Variants in SH3GL2 observed in about 807,000 individuals in gnomAD.
SH3GL2 encodes SH3 domain containing GRB2 like 2, endophilin A1, also known as endophilin-A1.
SH3GL2 carries 24 observed loss-of-function variants against 46.0 expected under a neutral mutation model. That is an observed-to-expected ratio of 0.52 (90% CI 0.38 to 0.73). The LOEUF is 0.73. Among genes scored for constraint, SH3GL2 ranks in the 30% least tolerant of loss-of-function variants. The pLI is 0.00. For synonymous variants in SH3GL2, 196 were observed against 147.1 expected, an observed-to-expected ratio of 1.33 and a Z score of -2.40; for missense variants, 413 against 424.2, an observed-to-expected ratio of 0.97 and a Z score of 0.23.
At position 17,697,424 on chromosome 9, in the gene SH3GL2, A is replaced by G. The variant is rs77400803; in HGVS notation, c.46-49642A>G. On this transcript the variant is annotated intron_variant, in intron 1 of 8. Coordinates refer to ENST00000380607, the MANE Select transcript of SH3GL2 (RefSeq NM_003026.5). ...TTTTTAGTAGAGACAGGGTTTCACC[A>G]TGCTGGTCAGGCTGATCTCCAACTC... Among the ~76,000 whole-genome samples, 627 of 151,968 alleles carry G rather than the reference A, an allele frequency of 4.1e-3. 12 individuals are homozygous for G. In the East Asian group the frequency reaches 0.06, roughly 14 times the overall value.
Position 17,626,737 on chromosome 9 carries a change from TGG to T in SH3GL2, c.45+47451_45+47452del, listed in dbSNP as rs1405538798. ...TCCCATAGCTTTCTGCAGATTCTTG[TGG>T]ACATTTGACAGTCCCTCTCCAAAGT... On this transcript the variant is annotated intron_variant, in intron 1 of 8. Transcript: ENST00000380607. 2.4e-3 allele frequency among the ~76,000 whole-genome samples: 359 copies of T among 152,334 alleles called. 3 individuals are homozygous for T. In the East Asian group the frequency reaches 0.031, roughly 13 times the overall value.
At chr9:17,696,376 T>C (rs1402229261) in intron 1 of SH3GL2, among the ~76,000 whole-genome samples, 1 of 152,184 alleles carries the variant, frequency 6.6e-6, no homozygotes, top group Non-Finnish European at 1.5e-5. Context: ...CCTGGATGTA[T>C]TACAGCAGAC....
chr9:17,773,665 A>G (rs1823559397), intron 3 of SH3GL2, among the ~76,000 whole-genome samples: 2 of 152,202 alleles, frequency 1.3e-5, no homozygotes, highest in East Asian at 1.9e-4. Context: ...CTTGGCCTAC[A>G]TGTCTGTCTT....
At chr9:17,684,057 A>T (rs1563811133) in intron 1 of SH3GL2, among the ~76,000 whole-genome samples, 1 of 152,140 alleles carries the variant, frequency 6.6e-6, no homozygotes, top group African/African-American at 2.4e-5. Flanking sequence ...GAGATGCACA[A>T]AAAGTGAGGT....
intron 1 of SH3GL2, among the ~76,000 whole-genome samples, chr9:17,708,992 C>G (rs951140436): frequency 6.6e-6 from 1 of 152,000 alleles, no homozygotes; most frequent in Non-Finnish European, 1.5e-5. Context: ...ATTTTTCTCC[C>G]TGTTCAGCAA....
At chr9:17,782,680 C>G (rs1823844245) in intron 3 of SH3GL2, among the ~76,000 whole-genome samples, 2 of 152,110 alleles carry the variant, frequency 1.3e-5, no homozygotes, top group Admixed American at 1.3e-4. Context: ...CATTCCAAAG[C>G]ACAGTGGGCG....
chr9:17,618,371 G>T (rs2134595647), intron 1 of SH3GL2, among the ~76,000 whole-genome samples: 1 of 152,284 alleles, frequency 6.6e-6, no homozygotes, highest in South Asian at 2.1e-4. Flanking sequence ...TTAGGAAATT[G>T]TTACTTTCTT....
chr9:17,736,995 A>T (rs1048529303), intron 1 of SH3GL2, among the ~76,000 whole-genome samples: 3 of 152,166 alleles, frequency 2.0e-5, no homozygotes, highest in African/African-American at 7.2e-5. Context: ...AATGTGGCAC[A>T]TATACACCAT....
chr9:17,615,034 C>T (rs1343317659), intron 1 of SH3GL2, among the ~76,000 whole-genome samples: 2 of 152,208 alleles, frequency 1.3e-5, no homozygotes, highest in Non-Finnish European at 2.9e-5. Context: ...CCTCTCTGCT[C>T]TCAGAGTCCT....
intron 1 of SH3GL2, among the ~76,000 whole-genome samples, chr9:17,708,427 C>T (rs1262225486): frequency 3.3e-5 from 5 of 151,870 alleles, no homozygotes; most frequent in Non-Finnish European, 7.4e-5. Flanking sequence ...ATTTAGGGAC[C>T]CCAGAGTAGA....
chr9:17,653,188 G>T (rs984107026), intron 1 of SH3GL2, among the ~76,000 whole-genome samples: 3 of 151,848 alleles, frequency 2.0e-5, no homozygotes, highest in African/African-American at 7.3e-5. Flanking sequence ...TCACTGTCTT[G>T]TTTTCTGTCT....
intron 1 of SH3GL2, among the ~76,000 whole-genome samples, chr9:17,675,769 AC>A (rs1457284531): frequency 1.3e-5 from 2 of 152,122 alleles, no homozygotes; most frequent in Admixed American, 6.5e-5. Context: ...ACATGGTGAA[AC>A]CCTGTGTCTA....
intron 1 of SH3GL2, among the ~76,000 whole-genome samples, chr9:17,708,331 A>T (rs145091685): frequency 6.6e-6 from 1 of 151,964 alleles, no homozygotes; most frequent in Admixed American, 6.6e-5. Context: ...TTAAATGATT[A>T]TCACGCTTTA....
At chr9:17,688,534 A>G (rs1365023421) in intron 1 of SH3GL2, among the ~76,000 whole-genome samples, 1 of 152,014 alleles carries the variant, frequency 6.6e-6, no homozygotes, top group African/African-American at 2.4e-5. Flanking sequence ...TTCCAATACC[A>G]TCCTTCAGTA....
chr9:17,689,346 A>C (rs1821010015), intron 1 of SH3GL2, among the ~76,000 whole-genome samples: 1 of 152,156 alleles, frequency 6.6e-6, no homozygotes, highest in African/African-American at 2.4e-5. Flanking sequence ...TTCCTGTAAC[A>C]GAAAAAAATG....
intron 1 of SH3GL2, among the ~76,000 whole-genome samples, chr9:17,582,791 G>A (rs1383472577): frequency 2.0e-5 from 3 of 152,208 alleles, no homozygotes; most frequent in Non-Finnish European, 4.4e-5. Flanking sequence ...GTATGAGACA[G>A]GATCTATTCG....
intron 1 of SH3GL2, among the ~76,000 whole-genome samples, chr9:17,579,988 A>C (rs1348345683): frequency 6.6e-6 from 1 of 152,322 alleles, no homozygotes; most frequent in South Asian, 2.1e-4. Context: ...ATGTATTTTA[A>C]ATTGTTTTTA....
chr9:17,751,458 G>T (rs1695111219), intron 2 of SH3GL2, among the ~76,000 whole-genome samples: 1 of 147,016 alleles, frequency 6.8e-6, no homozygotes, highest in African/African-American at 2.6e-5. Flanking sequence ...TGGGTTTTTG[G>T]TGTGTGTGTT....
intron 3 of SH3GL2, among the ~76,000 whole-genome samples, chr9:17,767,644 A>T (rs1823352162): frequency 6.6e-6 from 1 of 152,206 alleles, no homozygotes; most frequent in Non-Finnish European, 1.5e-5. Context: ...TGTCTGGTGA[A>T]TAGGTGTATG....
Sources: allele counts gnomAD v4.1 joint callset (sites outside exome capture counted in the v4.1 genomes callset), GRCh38; gene constraint gnomAD v4.1.1; transcripts MANE v1.5; gene names NCBI Gene and HGNC (gene_info 2026-07-23, HGNC 2026-07-21).